The following ACAT2 variants were observed in gnomAD, a reference collection of about 807,000 sequenced individuals.
The protein encoded by ACAT2 is acetyl-CoA acetyltransferase 2, also known as acetyl-CoA acetyltransferase, cytosolic.
In ACAT2, 26 loss-of-function variants were observed where a neutral mutation model predicts 37.1. The observed-to-expected ratio is 0.70, with a 90% CI of 0.51 to 0.97. ACAT2 has a LOEUF of 0.97. Ranked by LOEUF, ACAT2 falls within the 50% of genes least tolerant of loss-of-function variation. The pLI is 0.00. For missense variants in ACAT2, 468 were observed against 489.0 expected (o/e 0.96, Z 0.40); for synonymous variants, 156 against 163.6 (o/e 0.95, Z 0.35).
rs190255891 is a variant in ACAT2 at position 159,777,698 on chromosome 6, C to T, written c.912+242C>T. ...CTCCTGCCTTAGCCTCCCATTACCT[C>T]GAACTACAGGTGCACCACGCCTTCT... On this transcript the variant is annotated intron_variant, in intron 7 of 8. Coordinates refer to ENST00000367048, the MANE Select transcript of ACAT2 (RefSeq NM_005891.3). Among the ~76,000 whole-genome samples the T allele has an allele frequency of 5.3e-5, 8 of 152,166 alleles. No individual in the cohort carries two copies. The East Asian group carries it at 7.7e-4, about 15-fold the overall frequency.
rs747547052 is a variant in ACAT2 at position 159,778,877 on chromosome 6, T to C, written c.*48T>C. 3 of 1,610,246 alleles carry C rather than the reference T, an allele frequency of 1.9e-6. No homozygotes were observed. Among genetic ancestry groups the C allele is most frequent in the East Asian group, 4.5e-5 (2 of 44,840 alleles). ...TCAATTTCTTTTTAAACTAATAAAG[T>C]ACTAGGTTGCAATATGTGAAATCAG... is the stretch of plus-strand genomic sequence containing the variant. On this transcript the variant is annotated 3_prime_UTR_variant, in exon 9 of 9. Transcript: ENST00000367048.
chr6:159,762,738 G>A, intron 1 of ACAT2, 181 bp from the exon 2 acceptor site: 1 of 1,558,158 alleles, frequency 6.4e-7, no homozygotes, highest in Non-Finnish European at 8.6e-7. Flanking sequence ...CGGCTGCTGC[G>A]AGTTGTGGCA....
intron 4 of ACAT2, among the ~76,000 whole-genome samples, chr6:159,770,561 C>T (rs1284188275): frequency 6.6e-6 from 1 of 152,118 alleles, no homozygotes; most frequent in East Asian, 1.9e-4. Context: ...CCTGTAATCC[C>T]AGCACCTTGG....
chr6:159,767,893 T>C (rs1316934880), intron 3 of ACAT2, among the ~76,000 whole-genome samples: 1 of 152,200 alleles, frequency 6.6e-6, no homozygotes, highest in Non-Finnish European at 1.5e-5. Flanking sequence ...CCAGGTGCTT[T>C]TGTACATGTG....
intron 3 of ACAT2, among the ~76,000 whole-genome samples, 200 bp downstream of exon 3, chr6:159,767,386 C>T (rs571853863): frequency 1.3e-4 from 20 of 152,332 alleles, no homozygotes; most frequent in African/African-American, 4.6e-4. Flanking sequence ...AGAAGTTTAT[C>T]AACCAGTGTG....
chr6:159,768,568 G>T lies in ACAT2; in HGVS notation c.430G>T (p.Asp144Tyr). 1 of 1,614,018 alleles carries T rather than the reference G, an allele frequency of 6.2e-7. No homozygotes were observed. Among genetic ancestry groups the T allele is most frequent in the South Asian group, 1.1e-5 (1 of 91,064 alleles). The change falls in exon 4 of 9, where the codon GAC becomes TAC. Residue 144 changes from aspartate (D) to tyrosine (Y), a missense_variant. Coordinates refer to ENST00000367048, the MANE Select transcript of ACAT2 (RefSeq NM_005891.3). ...AAAGATAGGTGAGATGCCACTGACT[G>T]ACAGTATACTCTGTGATGGTCTTAC... ...GVKIGEMPLT[D>Y]SILCDGLTDA...
At chr6:159,771,295 G>A (rs1387845511) in intron 4 of ACAT2, among the ~76,000 whole-genome samples, 4 of 152,070 alleles carry the variant, frequency 2.6e-5, no homozygotes, top group Non-Finnish European at 4.4e-5. Flanking sequence ...CAGGAGAATC[G>A]CTTGAACCTG....
intron 1 of ACAT2, 29 bp downstream of exon 1, chr6:159,762,171 T>C (rs747269052): frequency 1.3e-6 from 2 of 1,597,386 alleles, no homozygotes; most frequent in South Asian, 2.2e-5. Flanking sequence ...CCGCGCAGAG[T>C]CCGAGGCGCC....
Position 159,777,447 on chromosome 6 carries a change from A to G in ACAT2, c.903A>G (p.Ile301Met), listed in dbSNP as rs748875202. ...SIMGIGPIPA[I>M]KQAVTKAGWS... Reference sequence around the variant, plus strand: ...TGGGAATAGGACCAATTCCAGCCATAAAGCAAGCTGTGAGTATAACCCTAT... The same window carrying G: ...TGGGAATAGGACCAATTCCAGCCATGAAGCAAGCTGTGAGTATAACCCTAT... The change falls in exon 7 of 9, where the codon ATA becomes ATG. Residue 301 changes from isoleucine to methionine, a missense_variant. Coordinates refer to ENST00000367048, the MANE Select transcript of ACAT2 (RefSeq NM_005891.3). The G allele has an allele frequency of 6.2e-7, 1 of 1,613,096 alleles. No homozygotes were observed. Among genetic ancestry groups the G allele is most frequent in the Non-Finnish European group, 8.5e-7 (1 of 1,179,730 alleles).
At chr6:159,765,641 A>G (rs1055195412) in intron 2 of ACAT2, among the ~76,000 whole-genome samples, 1 of 146,462 alleles carries the variant, frequency 6.8e-6, no homozygotes, top group Non-Finnish European at 1.5e-5. Flanking sequence ...CATATTGTCC[A>G]GGCTGGTCTC....
At chr6:159,762,780 G>A (rs748499829) in intron 1 of ACAT2, 139 bp from the exon 2 acceptor site, 2 of 1,592,640 alleles carry the variant, frequency 1.3e-6, no homozygotes, top group East Asian at 2.2e-5. Flanking sequence ...ACCAGCAGGT[G>A]TAGGAACGTG....
Position 159,777,399 on chromosome 6 carries a change from A to C in ACAT2, c.855A>C (p.Gln285His), listed in dbSNP as rs745450550. The C allele has an allele frequency of 5.6e-6, 9 of 1,614,190 alleles. No homozygotes were observed. The highest frequency in any genetic ancestry group is 5.1e-6 in the Non-Finnish European group (6 of 1,180,032). ...TPLARIVSWS[Q>H]VGVEPSIMGI... ...TAGCACGGATAGTTTCCTGGTCCCA[A>C]GTGGGTGTGGAGCCTTCCATTATGG... The change falls in exon 7 of 9, where the codon CAA becomes CAC. Residue 285 changes from glutamine (Q) to histidine (H), a missense_variant. Transcript: ENST00000367048.
intron 1 of ACAT2, chr6:159,762,449 C>T (rs1018975334): frequency 1.8e-5 from 24 of 1,346,534 alleles, no homozygotes; most frequent in Admixed American, 3.2e-5. Context: ...CTCCGGGGCC[C>T]CTGATTGGCC....
chr6:159,762,878 G>A (rs1347766054), intron 1 of ACAT2, 41 bp from the exon 2 acceptor site: 6 of 1,599,388 alleles, frequency 3.8e-6, no homozygotes, highest in Non-Finnish European at 5.1e-6. Flanking sequence ...CGTATTACCC[G>A]CAGGCTTGTG....
At chr6:159,765,740 G>A (rs1192964505) in intron 2 of ACAT2, among the ~76,000 whole-genome samples, 1 of 152,088 alleles carries the variant, frequency 6.6e-6, no homozygotes, top group Non-Finnish European at 1.5e-5. Context: ...ACAGCCTGAG[G>A]CACCGCACTG....
In ACAT2 at chr6:159,779,036, A is replaced by G. The variant is rs2114988529; in HGVS notation, c.*207A>G. 1 of 1,609,382 alleles carries G rather than the reference A, an allele frequency of 6.2e-7. No homozygotes were observed. The highest frequency in any genetic ancestry group is 8.5e-7 in the Non-Finnish European group (1 of 1,176,510). On this transcript the variant is annotated 3_prime_UTR_variant, in exon 9 of 9. Coordinates refer to ENST00000367048, the MANE Select transcript of ACAT2 (RefSeq NM_005891.3). ...ATTTAACATTGTTATAAATAAAAGG[A>G]ACATCAGATCAATCATTAAGGGCTC...
At chr6:159,776,076 G>A in intron 5 of ACAT2, 74 bp from the exon 6 acceptor site, 1 of 1,529,602 alleles carries the variant, frequency 6.5e-7, no homozygotes, top group East Asian at 2.3e-5. Flanking sequence ...TTTAATGGCA[G>A]AGAACCCACC....
rs1395331720 is a variant in ACAT2, at chr6:159,778,860, T to C, written c.*31T>C. 2 of 1,613,412 alleles carry C rather than the reference T, an allele frequency of 1.2e-6. No individual in the cohort carries two copies. The highest frequency in any genetic ancestry group is 1.1e-5 in the South Asian group (1 of 91,048). On this transcript the variant is annotated 3_prime_UTR_variant, in exon 9 of 9. Coordinates refer to ENST00000367048, the MANE Select transcript of ACAT2 (RefSeq NM_005891.3). ...TTAAACTTTGAACAACCTCAATTTC[T>C]TTTTAAACTAATAAAGTACTAGGTT...
chr6:159,768,478 A>C, intron 3 of ACAT2, 33 bp from the exon 4 acceptor site: 1 of 1,475,128 alleles, frequency 6.8e-7, no homozygotes, highest in East Asian at 2.3e-5. Context: ...AATTGCAACT[A>C]AGCCTAAATC....
Sources: gnomAD v4.1 joint callset for allele counts (sites outside exome capture counted in the v4.1 genomes callset) on GRCh38, gnomAD v4.1.1 for gene constraint, MANE v1.5 for transcripts, NCBI Gene and HGNC (gene_info 2026-07-23, HGNC 2026-07-21) for gene names.